The following CEP85 variants were observed in gnomAD, a reference collection of about 807,000 sequenced individuals.
The protein encoded by CEP85 is centrosomal protein 85, also known as centrosomal protein of 85 kDa.
CEP85 carries 58 observed loss-of-function variants against 93.7 expected under a neutral mutation model. That is an observed-to-expected ratio of 0.62 (90% CI 0.50 to 0.77). The LOEUF (loss-of-function observed/expected upper bound fraction) is 0.77. Among genes scored for constraint, CEP85 ranks in the 30% least tolerant of loss-of-function variants. The pLI is 0.00. For synonymous variants in CEP85, 314 were observed against 338.6 expected (o/e 0.93, Z 0.80); for missense variants, 868 against 922.0 (o/e 0.94, Z 0.76).
At chr1:26,259,518 A>G (rs1169934582) in intron 6 of CEP85, 99 bp from the exon 7 acceptor site, 6 of 1,150,424 alleles carry the variant, frequency 5.2e-6, no homozygotes, top group Non-Finnish European at 7.4e-6. Context: ...AGATTCTTGG[A>G]GAAAAATGAT....
At chr1:26,234,910 G>A (rs989507937) in intron 1 of CEP85, among the ~76,000 whole-genome samples, 1 of 152,196 alleles carries the variant, frequency 6.6e-6, no homozygotes, top group Non-Finnish European at 1.5e-5. Context: ...GATAGTCACA[G>A]CTCCAGGGCT....
intron 1 of CEP85, among the ~76,000 whole-genome samples, chr1:26,235,564 A>ATTTTTTTTTTTTTTTTTT (rs1185542130): frequency 8.6e-5 from 6 of 69,552 alleles, no homozygotes; most frequent in African/African-American, 3.5e-4. Flanking sequence ...TTAGATTGTA[A>ATTTTTTTTTTTTTTTTTT]TTCTTTTTTT....
intron 9 of CEP85, among the ~76,000 whole-genome samples, chr1:26,270,741 A>AT (rs897967390): frequency 1.3e-5 from 2 of 152,218 alleles, no homozygotes; most frequent in African/African-American, 2.4e-5. Context: ...ATAAATATGT[A>AT]TTTTTTAAAT....
chr1:26,272,352 C>G, intron 11 of CEP85: 1 of 423,138 alleles, frequency 2.4e-6, no homozygotes, highest in East Asian at 3.8e-5. Context: ...AGATCCTGAA[C>G]CTACAAGGAT....
At chr1:26,239,902 A>G in intron 2 of CEP85, 64 bp downstream of exon 2, 1 of 1,209,566 alleles carries the variant, frequency 8.3e-7, no homozygotes, top group Non-Finnish European at 1.2e-6. Flanking sequence ...ATATTCCTTA[A>G]GGTAAATATT....
chr1:26,257,730 A>T lies in CEP85; in HGVS notation c.1037A>T (p.Lys346Met), dbSNP rs1320875531. 1 of 1,613,990 alleles carries T rather than the reference A, an allele frequency of 6.2e-7. No homozygotes were observed. Among genetic ancestry groups the T allele is most frequent in the Non-Finnish European group, 8.5e-7 (1 of 1,179,996 alleles). Reference protein sequence around the residue: ...LLKEKELLIDKQRKHISQLEQ... With the variant: ...LLKEKELLIDMQRKHISQLEQ... The stretch of plus-strand genomic sequence containing the variant: ...AAGGAAAAAGAGCTTCTCATTGACA[A>T]GTAAGAGGGCAAGGGGTACCACAGA... The change falls in exon 5 of 14, where the codon AAG becomes ATG. Residue 346 changes from lysine (K) to methionine (M), a missense_variant and splice_region_variant. Physicochemically the swap from Lys to Met is moderately conservative, Grantham distance 95. Coordinates refer to ENST00000451429, the MANE Select transcript of CEP85 (RefSeq NM_001319944.2).
chr1:26,242,242 AGG>A (rs757457709), intron 2 of CEP85, among the ~76,000 whole-genome samples: 2 of 152,220 alleles, frequency 1.3e-5, no homozygotes, highest in Non-Finnish European at 2.9e-5. Flanking sequence ...GTAGGAAGTC[AGG>A]AAGATGGTAA....
At chr1:26,265,637 T>C (rs1364827137) in intron 7 of CEP85, among the ~76,000 whole-genome samples, 2 of 152,270 alleles carry the variant, frequency 1.3e-5, no homozygotes, top group African/African-American at 4.8e-5. Flanking sequence ...CTTGCCTCCA[T>C]AGTGAGCTGA....
chr1:26,259,214 A>T (rs928386905), intron 6 of CEP85, among the ~76,000 whole-genome samples: 1 of 152,178 alleles, frequency 6.6e-6, no homozygotes, highest in African/African-American at 2.4e-5. Context: ...TCATATAGAG[A>T]ATGAGTGGAG....
At chr1:26,248,791 A>G (rs1187765604) in intron 3 of CEP85, among the ~76,000 whole-genome samples, 1 of 119,288 alleles carries the variant, frequency 8.4e-6, no homozygotes, top group East Asian at 2.3e-4. Flanking sequence ...CAGTGGGGCA[A>G]TCTCGGCTCA....
intron 3 of CEP85, 97 bp downstream of exon 3, chr1:26,244,415 A>G (rs2089478522): frequency 6.3e-6 from 7 of 1,114,744 alleles, no homozygotes; most frequent in African/African-American, 3.1e-5. Context: ...TATTTCCAGA[A>G]TGTTCATAAC....
At chr1:26,235,556 A>G (rs984222608) in intron 1 of CEP85, among the ~76,000 whole-genome samples, 1 of 127,088 alleles carries the variant, frequency 7.9e-6, no homozygotes, top group African/African-American at 3.1e-5. Context: ...TTCCACACTT[A>G]GATTGTAATT....
At position 26,250,925 on chromosome 1, in the gene CEP85, C is replaced by CTTTTTTTTT. The variant is rs71581048; in HGVS notation, c.209-4240_209-4239insTTTTTTTTT. 1.1e-3 allele frequency among the ~76,000 whole-genome samples: 60 copies of CTTTTTTTTT among 55,124 alleles called. 7 individuals are homozygous for CTTTTTTTTT. The highest frequency in any genetic ancestry group is 2.0e-3 in the Admixed American group (8 of 4,088). 36.2% of individuals were successfully genotyped at this position (55,124 alleles called of 152,430 possible). A position where few individuals can be genotyped will look rare whatever the true frequency, so the allele number is the denominator to read the frequency against. On this transcript the variant is annotated intron_variant, in intron 3 of 13. Coordinates refer to ENST00000451429, the MANE Select transcript of CEP85 (RefSeq NM_001319944.2). ...TGAGCCAAGCTTGCCTTTTTTTTTT[C>CTTTTTTTTT]TTTTTTCTTTTTTTTTTTTTTTTTT...
rs1456539761 is a variant in CEP85, at chr1:26,277,339, C to T, written c.*46C>T. On this transcript the variant is annotated 3_prime_UTR_variant, in exon 14 of 14. Coordinates refer to ENST00000451429, the MANE Select transcript of CEP85 (RefSeq NM_001319944.2). Reference sequence around the variant, plus strand: ...CAGGGAGGAGCTGGGCTGCTGAGAGCCTAGTCCAGCAGGTTTCTGCCCTGA... The same window carrying T: ...CAGGGAGGAGCTGGGCTGCTGAGAGTCTAGTCCAGCAGGTTTCTGCCCTGA... 6.4e-7 allele frequency: 1 copy of T among 1,557,966 alleles called. No homozygotes were observed.
At chr1:26,276,141 A>G (rs2090049976) in intron 12 of CEP85, among the ~76,000 whole-genome samples, 1 of 152,194 alleles carries the variant, frequency 6.6e-6, no homozygotes, top group Non-Finnish European at 1.5e-5. Context: ...GATTGAAACC[A>G]GTGTCTCCTC....
At chr1:26,272,235 A>T (rs997985689) in intron 11 of CEP85, 164 bp downstream of exon 11, 2 of 678,598 alleles carry the variant, frequency 2.9e-6, no homozygotes, top group African/African-American at 3.6e-5. Context: ...GAGGACACAA[A>T]TATAGTAGGG....
intron 3 of CEP85, among the ~76,000 whole-genome samples, chr1:26,245,940 G>GT (rs1417958529): frequency 6.6e-6 from 1 of 151,556 alleles, no homozygotes; most frequent in South Asian, 2.1e-4. Context: ...GAGCCCAGGA[G>GT]TTTGAGACTA....
In CEP85 at chr1:26,257,687, A is replaced by G; in HGVS notation, c.994A>G (p.Ser332Gly). The G allele has an allele frequency of 6.2e-7, 1 of 1,614,184 alleles. No homozygotes were observed. Among genetic ancestry groups the G allele is most frequent in the South Asian group, 1.1e-5 (1 of 91,082 alleles). The change falls in exon 5 of 14, where the codon AGT becomes GGT. Residue 332 changes from serine to glycine, a missense_variant. Coordinates refer to ENST00000451429, the MANE Select transcript of CEP85 (RefSeq NM_001319944.2). ...EPAQWISILNSNEHLLKEKEL... is the reference protein window; with the variant it reads ...EPAQWISILNGNEHLLKEKEL... Reference sequence around the variant, plus strand: ...AGCACAGTGGATCAGCATCTTGAACAGTAATGAACACCTTCTGAAGGAAAA... The same window carrying G: ...AGCACAGTGGATCAGCATCTTGAACGGTAATGAACACCTTCTGAAGGAAAA...
At chr1:26,260,794 CTT>C (rs200013295) in intron 7 of CEP85, among the ~76,000 whole-genome samples, 4 of 141,308 alleles carry the variant, frequency 2.8e-5, no homozygotes, top group Non-Finnish European at 4.7e-5. Context: ...TCCTGCCTTT[CTT>C]TTTTTTTTTT....
Sources: allele counts gnomAD v4.1 joint callset (sites outside exome capture counted in the v4.1 genomes callset), GRCh38; gene constraint gnomAD v4.1.1; transcripts MANE v1.5; gene names NCBI Gene and HGNC (gene_info 2026-07-23, HGNC 2026-07-21).